Variants in BRIP1 observed in about 807,000 individuals in gnomAD.
BRIP1 encodes the protein Fanconi anemia group J protein.
Under a neutral mutation model 119.7 loss-of-function variants are expected in BRIP1, and 88 were observed. The observed-to-expected ratio is 0.74, with a 90% CI of 0.62 to 0.88. The LOEUF (loss-of-function observed/expected upper bound fraction) is 0.88. Among genes scored for constraint, BRIP1 ranks in the 40% least tolerant of loss-of-function variants. The pLI, the probability that BRIP1 is intolerant of heterozygous loss-of-function variation, is 0.00. For synonymous variants in BRIP1, 443 were observed against 496.5 expected (o/e 0.89, Z 1.43); for missense variants, 1,259 against 1,455.4 (o/e 0.87, Z 2.20).
chr17:61,737,902 C>T (rs1194991880), intron 16 of BRIP1, among the ~76,000 whole-genome samples: 2 of 152,168 alleles, frequency 1.3e-5, no homozygotes, highest in African/African-American at 4.8e-5. Context: ...TCCCTTTTCT[C>T]CCCTTCCTTG....
In BRIP1 at chr17:61,806,818, C is replaced by T. The variant is rs1187048038; in HGVS notation, c.918+1649G>A. Among the ~76,000 whole-genome samples, 5 of 152,194 alleles carry T rather than the reference C, an allele frequency of 3.3e-5. No individual in the cohort carries two copies. The highest frequency in any genetic ancestry group is 7.2e-5 in the African/African-American group (3 of 41,448). On this transcript the variant is annotated intron_variant, in intron 7 of 19. Transcript: ENST00000259008. The surrounding 1 kb of genome is among the most constrained non-coding windows in gnomAD (Gnocchi z 4.9). Reference sequence around the variant, plus strand: ...GTTCAAGCGATTCTCATGCCTCAGCCTCCCAAGTAGCTGGGATTACAAGCA... The same window carrying T: ...GTTCAAGCGATTCTCATGCCTCAGCTTCCCAAGTAGCTGGGATTACAAGCA...
chr17:61,685,666 A>G (rs1421195501), intron 19 of BRIP1, 170 bp downstream of exon 19: 20 of 648,870 alleles, frequency 3.1e-5, no homozygotes, highest in African/African-American at 5.5e-5. Flanking sequence ...GTCTCCTGAC[A>G]AAAGTTTGTT....
intron 6 of BRIP1, among the ~76,000 whole-genome samples, chr17:61,837,581 C>G (rs1470904429): frequency 6.6e-6 from 1 of 151,924 alleles, no homozygotes; most frequent in African/African-American, 2.4e-5. Flanking sequence ...AAGAATATAT[C>G]TGAAGACAAC....
Position 61,686,289 on chromosome 17 carries a change from G to T in BRIP1, c.2576-124C>A. On this transcript the variant is annotated intron_variant, in intron 18 of 19. Transcript: ENST00000259008. The surrounding 1 kb of genome is among the most constrained non-coding windows in gnomAD (Gnocchi z 5.4). The stretch of plus-strand genomic sequence containing the variant: ...ATTTGTATTTTGAATATACAGAATG[G>T]TTCTCCATATGTTTTTTCTGCAATT... 1 of 886,510 alleles carries T rather than the reference G, an allele frequency of 1.1e-6. No homozygotes were observed. The highest frequency in any genetic ancestry group is 1.8e-6 in the Non-Finnish European group (1 of 553,634). The allele number at this position is 886,510 out of a possible 1,614,324, so 54.9% of individuals were successfully genotyped here. A position where few individuals can be genotyped will look rare whatever the true frequency, so the allele number is the denominator to read the frequency against.
rs964163764 is a variant in BRIP1 at position 61,781,130 on chromosome 17, ATAACATTCTCC to A, written c.1629-136_1629-126del. ...AGAGCTGGTACCTTCCCATTCAAAA[ATAACATTCTCC>A]TTACCATTAATTAAATTCAGTAATT... On this transcript the variant is annotated intron_variant, in intron 11 of 19. Transcript: ENST00000259008. 7.3e-6 allele frequency: 6 copies of A among 819,304 alleles called. No homozygotes were observed. In the African/African-American group the frequency reaches 1.0e-4, roughly 14 times the overall value. The allele number at this position is 819,304 out of a possible 1,614,324, so 50.8% of individuals were successfully genotyped here. A position where few individuals can be genotyped will look rare whatever the true frequency, so the allele number is the denominator to read the frequency against.
At chr17:61,854,160 T>C (rs2078861294) in intron 4 of BRIP1, among the ~76,000 whole-genome samples, 1 of 151,940 alleles carries the variant, frequency 6.6e-6, no homozygotes, top group Non-Finnish European at 1.5e-5. Context: ...TCTCAACTAC[T>C]AGGGAGTGTG....
intron 16 of BRIP1, among the ~76,000 whole-genome samples, chr17:61,721,794 T>C (rs750955025): frequency 6.7e-6 from 1 of 148,672 alleles, no homozygotes; most frequent in Non-Finnish European, 1.5e-5. Context: ...ACCTCCTGGG[T>C]TGAAGTGATT....
intron 17 of BRIP1, among the ~76,000 whole-genome samples, chr17:61,714,800 AT>A (rs35246906): frequency 0.33 from 42,867 of 128,976 alleles, 6,412 homozygotes; most frequent in Middle Eastern, 0.46. Context: ...TGATTTGCTA[AT>A]TTTTTTTTTT....
chr17:61,780,141 A>T lies in BRIP1; in HGVS notation c.1935+120T>A. 2 of 1,073,636 alleles carry T rather than the reference A, an allele frequency of 1.9e-6. No individual in the cohort carries two copies. Among genetic ancestry groups the T allele is most frequent in the South Asian group, 2.7e-5 (2 of 72,824 alleles). 66.5% of individuals were successfully genotyped at this position (1,073,636 alleles called of 1,614,324 possible). A position where few individuals can be genotyped will look rare whatever the true frequency, so the allele number is the denominator to read the frequency against. ...AGATTTTCTTTTATTGTAAAACTGG[A>T]ATGTTGAATTTCCTACCAAGATTTA... On this transcript the variant is annotated intron_variant, in intron 13 of 19. Transcript: ENST00000259008. The surrounding 1 kb of genome is among the most constrained non-coding windows in gnomAD (Gnocchi z 5.4).
rs2077502905 is a variant in BRIP1, at chr17:61,774,364, T to A, written c.2097+2037A>T. 1.3e-5 allele frequency among the ~76,000 whole-genome samples: 2 copies of A among 152,086 alleles called. No homozygotes were observed. Among genetic ancestry groups the A allele is most frequent in the Admixed American group, 1.3e-4 (2 of 15,258 alleles). On this transcript the variant is annotated intron_variant, in intron 14 of 19. Transcript: ENST00000259008. The surrounding 1 kb of genome is among the most constrained non-coding windows in gnomAD (Gnocchi z 5.8). ...AAAACCAAACACCGCATGTTCTCAC[T>A]CATAGGTGGGAATTGAACAATGAGA...
rs889149527 is a variant in BRIP1, at chr17:61,701,928, C to T, written c.2493-8416G>A. On this transcript the variant is annotated intron_variant, in intron 17 of 19. Transcript: ENST00000259008. The surrounding 1 kb of genome is among the most constrained non-coding windows in gnomAD (Gnocchi z 5.1). ...ACTGTCAGGTTGTTGGCTTTCCTCACGATTTCAGGCTATTGGTTTTTAAGG... is the reference window on the plus strand; with the variant it reads ...ACTGTCAGGTTGTTGGCTTTCCTCATGATTTCAGGCTATTGGTTTTTAAGG... 3.3e-5 allele frequency among the ~76,000 whole-genome samples: 5 copies of T among 152,098 alleles called. No individual in the cohort carries two copies. Among genetic ancestry groups the T allele is most frequent in the South Asian group, 2.1e-4 (1 of 4,830 alleles).
Position 61,748,901 on chromosome 17 carries a change from G to T in BRIP1, c.2098-4310C>A, listed in dbSNP as rs913459790. On this transcript the variant is annotated intron_variant, in intron 14 of 19. Transcript: ENST00000259008. This position sits in a 1 kb window ranked among gnomAD's most constrained non-coding sequence, Gnocchi z 4.7. ...GCCTGTAATCCCAGCACTTTGGGAG[G>T]CCAAGGCGGGCAGATCACGAGGTCA... is the stretch of plus-strand genomic sequence containing the variant. 6.6e-6 allele frequency among the ~76,000 whole-genome samples: 1 copy of T among 152,220 alleles called. No homozygotes were observed. The highest frequency in any genetic ancestry group is 2.4e-5 in the African/African-American group (1 of 41,454).
rs1271313975 is a variant in BRIP1 at position 61,810,130 on chromosome 17, T to C, written c.628-1373A>G. 6.6e-6 allele frequency among the ~76,000 whole-genome samples: 1 copy of C among 152,192 alleles called. No individual in the cohort carries two copies. Among genetic ancestry groups the C allele is most frequent in the East Asian group, 1.9e-4 (1 of 5,204 alleles). ...ATGCTGGAATTGTTACATTCTCCTC[T>C]CAGGTTGCCAGTAACAGCAGATTTC... is the stretch of plus-strand genomic sequence containing the variant. On this transcript the variant is annotated intron_variant, in intron 6 of 19. Transcript: ENST00000259008. This position sits in a 1 kb window ranked among gnomAD's most constrained non-coding sequence, Gnocchi z 4.7.
chr17:61,693,322 G>T lies in BRIP1; in HGVS notation c.2575+108C>A. The T allele has an allele frequency of 2.0e-6, 2 of 988,904 alleles. No individual in the cohort carries two copies. The highest frequency in any genetic ancestry group is 3.2e-6 in the Non-Finnish European group (2 of 621,494). The allele number at this position is 988,904 out of a possible 1,614,324, so 61.3% of individuals were successfully genotyped here. On this transcript the variant is annotated intron_variant, in intron 18 of 19. Coordinates refer to ENST00000259008, the MANE Select transcript of BRIP1 (RefSeq NM_032043.3). This position sits in a 1 kb window ranked among gnomAD's most constrained non-coding sequence, Gnocchi z 4.2. ...TACTGTGCTTATAGTTAACAATATT[G>T]TACTGTGCACTTAATAAGATAGTAG...
chr17:61,813,629 T>C (rs1206962134), intron 6 of BRIP1, among the ~76,000 whole-genome samples: 1 of 152,096 alleles, frequency 6.6e-6, no homozygotes, highest in Non-Finnish European at 1.5e-5. Context: ...AAAACCATCT[T>C]ATGCTAGTAT....
rs2078719495 is a variant in BRIP1, at chr17:61,845,820, C to G, written c.627+1281G>C. 6.6e-6 allele frequency among the ~76,000 whole-genome samples: 1 copy of G among 152,090 alleles called. No homozygotes were observed. Among genetic ancestry groups the G allele is most frequent in the African/African-American group, 2.4e-5 (1 of 41,394 alleles). On this transcript the variant is annotated intron_variant, in intron 6 of 19. Coordinates refer to ENST00000259008, the MANE Select transcript of BRIP1 (RefSeq NM_032043.3). The surrounding 1 kb of genome is among the most constrained non-coding windows in gnomAD (Gnocchi z 4.2). The stretch of plus-strand genomic sequence containing the variant: ...GACAGAATGTTAAAAACCTAAACGG[C>G]TGAGATTAAATAAAATTAGTAATTT...
At position 61,862,650 on chromosome 17, in the gene BRIP1, T is replaced by C. The variant is rs868554286; in HGVS notation, c.-31+634A>G. On this transcript the variant is annotated intron_variant, in intron 1 of 19. Transcript: ENST00000259008. This position sits in a 1 kb window ranked among gnomAD's most constrained non-coding sequence, Gnocchi z 5.3. ...ATAGATTTCTCTTCCCGTAAATATATCTCAAGGAAATCAAAATAGCGGGGG... is the reference window on the plus strand; with the variant it reads ...ATAGATTTCTCTTCCCGTAAATATACCTCAAGGAAATCAAAATAGCGGGGG... Among the ~76,000 whole-genome samples, 6 of 152,174 alleles carry C rather than the reference T, an allele frequency of 3.9e-5. No homozygotes were observed. The highest frequency in any genetic ancestry group is 1.4e-4 in the African/African-American group (6 of 41,434).
At position 61,710,727 on chromosome 17, in the gene BRIP1, T is replaced by C. The variant is rs2061757952; in HGVS notation, c.2492+5224A>G. On this transcript the variant is annotated intron_variant, in intron 17 of 19. Transcript: ENST00000259008. This position sits in a 1 kb window ranked among gnomAD's most constrained non-coding sequence, Gnocchi z 5.4. ...GTTTTAGAAATGGATGGGAACAAGATGTAAAGGGCCATTTAGTAGCCATGT... is the reference window on the plus strand; with the variant it reads ...GTTTTAGAAATGGATGGGAACAAGACGTAAAGGGCCATTTAGTAGCCATGT... Among the ~76,000 whole-genome samples the C allele has an allele frequency of 6.6e-6, 1 of 152,038 alleles. No individual in the cohort carries two copies. Among genetic ancestry groups the C allele is most frequent in the African/African-American group, 2.4e-5 (1 of 41,414 alleles).
intron 11 of BRIP1, among the ~76,000 whole-genome samples, chr17:61,782,039 C>G (rs1034349739): frequency 6.6e-6 from 1 of 151,830 alleles, no homozygotes; most frequent in Non-Finnish European, 1.5e-5. Context: ...AACTTAACAA[C>G]TGTGGAGAGA....
Sources: gnomAD v4.1 joint callset for allele counts (sites outside exome capture counted in the v4.1 genomes callset) on GRCh38, gnomAD v4.1.1 for gene constraint, Gnocchi (gnomAD v3.1) non-coding constraint, MANE v1.5 for transcripts, NCBI Gene and HGNC (gene_info 2026-07-23, HGNC 2026-07-21) for gene names.